Variants in ASIC2 observed in about 807,000 individuals in gnomAD.
ASIC2 encodes acid sensing ion channel subunit 2.
Under a neutral mutation model 57.3 loss-of-function variants are expected in ASIC2, and 25 were observed. The observed-to-expected ratio is 0.44, with a 90% CI of 0.32 to 0.61. ASIC2 has a LOEUF of 0.61. Among genes scored for constraint, ASIC2 ranks in the 20% least tolerant of loss-of-function variants. The pLI, the probability that ASIC2 is intolerant of heterozygous loss-of-function variation, is 0.06. For synonymous variants in ASIC2, 319 were observed against 307.5 expected, an observed-to-expected ratio of 1.04 and a Z score of -0.39; for missense variants, 641 against 738.1, an observed-to-expected ratio of 0.87 and a Z score of 1.52.
At chr17:33,562,829 G>A (rs1916116990) in intron 1 of ASIC2, among the ~76,000 whole-genome samples, 1 of 152,178 alleles carries the variant, frequency 6.6e-6, no homozygotes, top group Non-Finnish European at 1.5e-5. Context: ...GGGGCTGGAT[G>A]GGTGGCTGCC....
At chr17:33,199,809 T>C (rs868461635) in intron 1 of ASIC2, among the ~76,000 whole-genome samples, 7 of 152,136 alleles carry the variant, frequency 4.6e-5, no homozygotes, top group African/African-American at 1.4e-4. Flanking sequence ...TCCATGCTAA[T>C]CTTCTGATTG....
chr17:33,185,908 C>T (rs978388566), intron 1 of ASIC2, among the ~76,000 whole-genome samples: 5 of 152,148 alleles, frequency 3.3e-5, no homozygotes, highest in African/African-American at 1.2e-4. Context: ...GACAAATTCA[C>T]CATAGGCAAG....
At chr17:33,694,558 C>T (rs1347554493) in intron 1 of ASIC2, among the ~76,000 whole-genome samples, 3 of 152,186 alleles carry the variant, frequency 2.0e-5, no homozygotes, top group African/African-American at 7.2e-5. Context: ...TAAGTGCCAA[C>T]CTCAGATTTT....
intron 1 of ASIC2, among the ~76,000 whole-genome samples, chr17:33,543,294 A>G (rs1001617001): frequency 6.8e-5 from 10 of 147,006 alleles, no homozygotes; most frequent in Non-Finnish European, 1.5e-4. Flanking sequence ...AATAAAACAA[A>G]ACAAAAACAA....
intron 1 of ASIC2, among the ~76,000 whole-genome samples, chr17:34,049,785 T>G (rs1006945712): frequency 1.3e-5 from 2 of 152,202 alleles, no homozygotes; most frequent in Non-Finnish European, 2.9e-5. Context: ...TCAGAGAATC[T>G]TCCTCCGACA....
At chr17:33,215,273 T>C (rs1907431937) in intron 1 of ASIC2, among the ~76,000 whole-genome samples, 1 of 152,230 alleles carries the variant, frequency 6.6e-6, no homozygotes, top group African/African-American at 2.4e-5. Flanking sequence ...GGAAAACAGA[T>C]GGCACCTATC....
At chr17:33,777,656 T>C (rs6505377) in intron 1 of ASIC2, among the ~76,000 whole-genome samples, 123,210 of 152,134 alleles carry the variant, frequency 0.81, 50,267 homozygotes, top group Non-Finnish European at 0.85. Flanking sequence ...TGCTGTGCGG[T>C]AACTGAAGGG....
chr17:34,039,882 C>G, intron 1 of ASIC2: 1 of 1,576,336 alleles, frequency 6.3e-7, no homozygotes, highest in African/African-American at 1.3e-5. Context: ...TTTCTACTGC[C>G]GCCGCCGCCG....
intron 1 of ASIC2, among the ~76,000 whole-genome samples, chr17:33,605,785 G>A (rs1905217224): frequency 1.3e-5 from 2 of 152,098 alleles, no homozygotes; most frequent in Admixed American, 6.6e-5. Context: ...TCCTGCCTCC[G>A]GCCCCCAGCC....
At chr17:33,332,360 C>T (rs1907346189) in intron 1 of ASIC2, among the ~76,000 whole-genome samples, 4 of 152,242 alleles carry the variant, frequency 2.6e-5, no homozygotes, top group Admixed American at 2.6e-4. Flanking sequence ...CCAATATAGA[C>T]AAAATAATAA....
At position 34,075,144 on chromosome 17, in the gene ASIC2, AGAG is replaced by A. The variant is rs371648864; in HGVS notation, c.555+80831_555+80833del. On this transcript the variant is annotated intron_variant, in intron 1 of 9. Transcript: ENST00000359872. ...TGGGAATGGACCATGTGCTTGTGAG[AGAG>A]GAGAAGTCAGCACCCTGAGCAGAGC... Among the ~76,000 whole-genome samples the A allele has an allele frequency of 2.2e-3, 337 of 152,194 alleles. 2 individuals carry two copies. Among genetic ancestry groups the A allele is most frequent in the African/African-American group, 7.4e-3 (307 of 41,534 alleles).
intron 1 of ASIC2, among the ~76,000 whole-genome samples, chr17:34,112,766 A>G (rs1184026634): frequency 6.6e-6 from 1 of 152,144 alleles, no homozygotes; most frequent in Admixed American, 6.5e-5. Context: ...TCACTCCATA[A>G]GACATTGTAA....
intron 1 of ASIC2, among the ~76,000 whole-genome samples, chr17:33,975,719 C>G (rs1050125405): frequency 6.6e-6 from 1 of 152,200 alleles, no homozygotes; most frequent in African/African-American, 2.4e-5. Context: ...GATGCTTCCT[C>G]TCTTTGGTTT....
chr17:33,204,223 A>T (rs890537349), intron 1 of ASIC2, among the ~76,000 whole-genome samples: 7 of 152,338 alleles, frequency 4.6e-5, no homozygotes, highest in African/African-American at 1.7e-4. Flanking sequence ...AAAATCCCCT[A>T]GAAAAATGTA....
chr17:33,565,950 G>A (rs8082419), intron 1 of ASIC2: 65,905 of 152,028 alleles, frequency 0.43, 14,419 homozygotes, highest in South Asian at 0.53. Context: ...ACCTGGGGCT[G>A]ATTCTGAACT....
chr17:33,322,143 G>A (rs1417075905), intron 1 of ASIC2, among the ~76,000 whole-genome samples: 1 of 152,156 alleles, frequency 6.6e-6, no homozygotes, highest in Non-Finnish European at 1.5e-5. Context: ...GAGAAGGTGG[G>A]TTTGTCTTCA....
At chr17:33,341,308 C>T (rs1907711881) in intron 1 of ASIC2, among the ~76,000 whole-genome samples, 1 of 152,138 alleles carries the variant, frequency 6.6e-6, no homozygotes, top group Non-Finnish European at 1.5e-5. Context: ...CTGTCCAGGA[C>T]CAACCATGGA....
At chr17:33,528,967 G>A (rs1270268986) in intron 1 of ASIC2, among the ~76,000 whole-genome samples, 1 of 152,214 alleles carries the variant, frequency 6.6e-6, no homozygotes, top group Non-Finnish European at 1.5e-5. Context: ...GACAGAGGCA[G>A]GCTCCGATTC....
chr17:33,498,147 G>C (rs1567631176), intron 1 of ASIC2, among the ~76,000 whole-genome samples: 1 of 152,228 alleles, frequency 6.6e-6, no homozygotes, highest in Non-Finnish European at 1.5e-5. Flanking sequence ...GAGGCCCAGA[G>C]ACTTGAGTAA....
Sources: gnomAD v4.1 joint callset for allele counts (sites outside exome capture counted in the v4.1 genomes callset) on GRCh38, gnomAD v4.1.1 for gene constraint, MANE v1.5 for transcripts, NCBI Gene and HGNC (gene_info 2026-07-23, HGNC 2026-07-21) for gene names.